Variants in R3HDM1 observed in about 807,000 individuals in gnomAD.
R3HDM1 encodes R3H domain containing 1.
A neutral mutation model predicts 141.1 loss-of-function variants in R3HDM1; 46 were observed. The ratio of observed to expected loss-of-function variants is 0.33; its 90% CI spans 0.26 to 0.42. The LOEUF is 0.42. Ranked by LOEUF, R3HDM1 falls within the 10% of genes least tolerant of loss-of-function variation. R3HDM1 has a pLI of 1.00. For missense variants in R3HDM1, 1,184 were observed against 1,368.3 expected, an observed-to-expected ratio of 0.87 and a Z score of 2.12; for synonymous variants, 435 against 472.9, an observed-to-expected ratio of 0.92 and a Z score of 1.04.
chr2:135,645,214 A>C, intron 15 of R3HDM1, 165 bp from the exon 16 acceptor site: 1 of 561,254 alleles, frequency 1.8e-6, no homozygotes, highest in Non-Finnish European at 3.0e-6. Flanking sequence ...GCCTCATGTC[A>C]GAGCAGGCAT....
At chr2:135,667,802 T>G (rs1251847831) in intron 19 of R3HDM1, 1 of 945,500 alleles carries the variant, frequency 1.1e-6, no homozygotes, top group Non-Finnish European at 1.3e-6. Context: ...GTCTTCAAAC[T>G]ATACTTTTGA....
At chr2:135,623,799 TC>T (rs1397143828) in intron 7 of R3HDM1, among the ~76,000 whole-genome samples, 1 of 152,226 alleles carries the variant, frequency 6.6e-6, no homozygotes, top group Non-Finnish European at 1.5e-5. Context: ...CCTACAGTAT[TC>T]ACTGTCTCTG....
In R3HDM1 at chr2:135,618,683, G is replaced by GA. The variant is rs1224645554; in HGVS notation, c.303+1934dup. On this transcript the variant is annotated intron_variant, in intron 5 of 26. Coordinates refer to ENST00000683871, the MANE Select transcript of R3HDM1 (RefSeq NM_001378107.1). ...GCTGAAGAGCTATATAATACAGTCT[G>GA]AAAAAAAACCAATAAAATTGTTTTT... 4.6e-5 allele frequency among the ~76,000 whole-genome samples: 7 copies of GA among 151,604 alleles called. No homozygotes were observed. The East Asian group carries it at 9.7e-4, about 21-fold the overall frequency.
intron 1 of R3HDM1, among the ~76,000 whole-genome samples, chr2:135,560,363 T>C (rs1178278631): frequency 6.6e-6 from 1 of 152,206 alleles, no homozygotes; most frequent in Non-Finnish European, 1.5e-5. Context: ...TTTTTCAGGC[T>C]GGAGTGCAGT....
intron 1 of R3HDM1, among the ~76,000 whole-genome samples, chr2:135,553,852 G>A (rs1051733461): frequency 2.6e-5 from 4 of 152,104 alleles, no homozygotes; most frequent in South Asian, 4.1e-4. Context: ...CACCACACCC[G>A]GCTAATTTTG....
chr2:135,545,863 C>T (rs1345705693), intron 1 of R3HDM1, among the ~76,000 whole-genome samples: 2 of 152,132 alleles, frequency 1.3e-5, no homozygotes, highest in African/African-American at 4.8e-5. Flanking sequence ...ACAAAAGTAC[C>T]TGTGTTTAGA....
At chr2:135,627,967 A>G (rs981700752) in intron 7 of R3HDM1, among the ~76,000 whole-genome samples, 4 of 152,138 alleles carry the variant, frequency 2.6e-5, no homozygotes, top group African/African-American at 7.2e-5. Context: ...TTAGCCCTTC[A>G]TTTTAGCTTT....
Position 135,709,423 on chromosome 2 carries a change from T to C in R3HDM1, c.2460-10T>C, listed in dbSNP as rs1458438406. On this transcript the variant is annotated splice_polypyrimidine_tract_variant and intron_variant, in intron 21 of 26. Transcript: ENST00000683871. ...CCTCTCATTATGCTGTTTTTTTGTT[T>C]TTTCCATAGCTCTTCAGTAGGTTAC... 6.2e-6 allele frequency: 10 copies of C among 1,613,768 alleles called. No individual in the cohort carries two copies. Among genetic ancestry groups the C allele is most frequent in the Non-Finnish European group, 8.5e-6 (10 of 1,179,936 alleles).
chr2:135,636,015 G>A lies in R3HDM1; in HGVS notation c.807+17G>A. On this transcript the variant is annotated intron_variant, in intron 10 of 26. Coordinates refer to ENST00000683871, the MANE Select transcript of R3HDM1 (RefSeq NM_001378107.1). ...GATAACCAGGTAATCTAGAACAATT[G>A]TAGGATTTGTATAGGTGCAAGACAT... 6.2e-7 allele frequency: 1 copy of A among 1,608,524 alleles called. No homozygotes were observed. Among genetic ancestry groups the A allele is most frequent in the Non-Finnish European group, 8.5e-7 (1 of 1,178,108 alleles).
intron 1 of R3HDM1, among the ~76,000 whole-genome samples, chr2:135,587,355 G>T (rs1177389905): frequency 1.3e-5 from 2 of 151,800 alleles, no homozygotes; most frequent in African/African-American, 4.8e-5. Context: ...GAATTGTTAT[G>T]ATATGAATTC....
At chr2:135,680,940 G>A (rs2070191877) in intron 21 of R3HDM1, among the ~76,000 whole-genome samples, 1 of 152,098 alleles carries the variant, frequency 6.6e-6, no homozygotes, top group South Asian at 2.1e-4. Flanking sequence ...GTTTTTATAG[G>A]GGTCTGGAAA....
chr2:135,539,548 C>T (rs374966744), intron 1 of R3HDM1, among the ~76,000 whole-genome samples: 1 of 151,956 alleles, frequency 6.6e-6, no homozygotes, highest in Admixed American at 6.6e-5. Context: ...GAATTGCAGG[C>T]ACACCTAGGA....
chr2:135,708,294 A>G (rs2105432859), intron 21 of R3HDM1, among the ~76,000 whole-genome samples: 1 of 152,306 alleles, frequency 6.6e-6, no homozygotes, highest in African/African-American at 2.4e-5. Flanking sequence ...TCTGCCCCGC[A>G]AATATTGCTT....
chr2:135,602,637 GA>G lies in R3HDM1; in HGVS notation c.-107del. The G allele has an allele frequency of 6.5e-7, 1 of 1,547,828 alleles. No homozygotes were observed. The highest frequency in any genetic ancestry group is 2.0e-5 in the Admixed American group (1 of 50,180). On this transcript the variant is annotated 5_prime_UTR_variant, in exon 2 of 27. The change abolishes the stop of an existing upstream ORF in the 5' untranslated region. Coordinates refer to ENST00000683871, the MANE Select transcript of R3HDM1 (RefSeq NM_001378107.1). ...AGTTGACATCCTGGCTGACAACTGTGAAAAAGAACCTTGGATTATTTTATTT... is the reference window on the plus strand; with the variant it reads ...AGTTGACATCCTGGCTGACAACTGTGAAAAGAACCTTGGATTATTTTATTT...
At chr2:135,593,753 C>T (rs1370327985) in intron 1 of R3HDM1, among the ~76,000 whole-genome samples, 1 of 152,078 alleles carries the variant, frequency 6.6e-6, no homozygotes, top group African/African-American at 2.4e-5. Context: ...CGGAGTCTGA[C>T]TCTATCACCC....
In R3HDM1 at chr2:135,642,816, G is replaced by A. The variant is rs533334268; in HGVS notation, c.1474+1026G>A. Among the ~76,000 whole-genome samples the A allele has an allele frequency of 3.9e-5, 6 of 152,170 alleles. No homozygotes were observed. The East Asian group carries it at 9.7e-4, about 25-fold the overall frequency. ...AGGTTTTATTCACATCTCTTTTTAA[G>A]ACGAAGTATGCAAACATTTGTTTCT... On this transcript the variant is annotated intron_variant, in intron 15 of 26. Transcript: ENST00000683871.
chr2:135,659,093 T>A (rs1474737110), intron 18 of R3HDM1, among the ~76,000 whole-genome samples: 1 of 98,182 alleles, frequency 1.0e-5, no homozygotes, highest in Non-Finnish European at 1.8e-5. Context: ...GTGTGTTTGG[T>A]TTGGAGTTGT....
At chr2:135,626,209 G>T (rs62168787) in intron 7 of R3HDM1, among the ~76,000 whole-genome samples, 17,632 of 143,332 alleles carry the variant, frequency 0.12, 1,712 homozygotes, top group African/African-American at 0.31. Context: ...GCGTGCGTGC[G>T]TGCTTGCTTG....
At chr2:135,575,839 T>A (rs1411256793) in intron 1 of R3HDM1, among the ~76,000 whole-genome samples, 2 of 152,222 alleles carry the variant, frequency 1.3e-5, no homozygotes, top group Non-Finnish European at 2.9e-5. Context: ...ATTAATGCAT[T>A]CACAGTAAAA....
Sources: gnomAD v4.1 joint callset for allele counts (sites outside exome capture counted in the v4.1 genomes callset) on GRCh38, gnomAD v4.1.1 for gene constraint, MANE v1.5 for transcripts, NCBI Gene and HGNC (gene_info 2026-07-23, HGNC 2026-07-21) for gene names.